Variants in ZBTB20 observed in about 807,000 individuals in gnomAD.
The protein encoded by ZBTB20 is zinc finger and BTB domain containing 20.
A neutral mutation model predicts 56.9 loss-of-function variants in ZBTB20; 9 were observed. The ratio of observed to expected loss-of-function variants is 0.16; its 90% CI spans 0.10 to 0.28. The LOEUF is 0.28. Ranked by LOEUF, ZBTB20 falls within the 10% of genes least tolerant of loss-of-function variation. ZBTB20 has a pLI of 1.00. For synonymous variants in ZBTB20, 417 were observed against 420.7 expected, an observed-to-expected ratio of 0.99 and a Z score of 0.11; for missense variants, 655 against 1,003.0, an observed-to-expected ratio of 0.65 and a Z score of 4.69.
intron 7 of ZBTB20, among the ~76,000 whole-genome samples, chr3:114,429,604 T>G (rs933809519): frequency 6.6e-6 from 1 of 152,120 alleles, no homozygotes; most frequent in Non-Finnish European, 1.5e-5. Flanking sequence ...CAGAGAACGT[T>G]GCTAAGTCAT....
chr3:115,129,356 T>C (rs986089052), intron 1 of ZBTB20, among the ~76,000 whole-genome samples: 2 of 152,238 alleles, frequency 1.3e-5, no homozygotes, highest in Non-Finnish European at 2.9e-5. Context: ...GTATCTTTAA[T>C]AGTACCATAC....
chr3:114,500,542 T>C (rs1278657261), intron 6 of ZBTB20, among the ~76,000 whole-genome samples, 151 bp from the exon 7 acceptor site: 2 of 152,186 alleles, frequency 1.3e-5, no homozygotes, highest in Admixed American at 6.5e-5. Flanking sequence ...ATTTTGTCAC[T>C]TCTAGCCTCA....
intron 11 of ZBTB20, among the ~76,000 whole-genome samples, chr3:114,344,784 TCACCAA>T (rs2080057116): frequency 6.6e-6 from 1 of 152,200 alleles, no homozygotes; most frequent in Non-Finnish European, 1.5e-5. Context: ...TATGGCCCAA[TCACCAA>T]CATTGTTATG....
At chr3:115,089,401 C>T (rs1028693632) in intron 1 of ZBTB20, among the ~76,000 whole-genome samples, 3 of 151,802 alleles carry the variant, frequency 2.0e-5, no homozygotes, top group Non-Finnish European at 2.9e-5. Context: ...CTATAATTAT[C>T]ACTACAATTT....
intron 6 of ZBTB20, among the ~76,000 whole-genome samples, chr3:114,682,195 C>T (rs756621887): frequency 6.6e-6 from 1 of 151,974 alleles, no homozygotes; most frequent in Non-Finnish European, 1.5e-5. Context: ...AAAGTAGAAA[C>T]AGTGTTCACA....
chr3:115,040,199 T>C (rs1224028364), intron 2 of ZBTB20, among the ~76,000 whole-genome samples: 2 of 152,130 alleles, frequency 1.3e-5, no homozygotes, highest in Non-Finnish European at 2.9e-5. Flanking sequence ...TGAATCACTG[T>C]CATTCATTCA....
chr3:115,099,365 A>T (rs572183516), intron 1 of ZBTB20, among the ~76,000 whole-genome samples: 1 of 152,328 alleles, frequency 6.6e-6, no homozygotes, highest in South Asian at 2.1e-4. Flanking sequence ...TAACATACTA[A>T]AAGGAAACTG....
At position 114,329,345 on chromosome 3, in the gene ZBTB20, A is replaced by C. The variant is rs1244657412; in HGVS notation, c.*9660T>G. 1 of 152,196 alleles carries C rather than the reference A, an allele frequency of 6.6e-6. No individual in the cohort carries two copies. Among genetic ancestry groups the C allele is most frequent in the Non-Finnish European group, 1.5e-5 (1 of 68,026 alleles). The allele number at this position is 152,196 out of a possible 1,614,324, so 9.4% of individuals were successfully genotyped here. On this transcript the variant is annotated 3_prime_UTR_variant, in exon 12 of 12. Transcript: ENST00000675478. ...TTTGTCCTGAATGTAGAAGTGAAGA[A>C]GGACACTAGTTTCAGGCACCTGGGA...
chr3:114,772,069 T>C (rs2069248863), intron 5 of ZBTB20, among the ~76,000 whole-genome samples: 2 of 152,162 alleles, frequency 1.3e-5, no homozygotes, highest in East Asian at 1.9e-4. Flanking sequence ...GTGAATCACC[T>C]GTATTAAAAT....
intron 5 of ZBTB20, among the ~76,000 whole-genome samples, chr3:114,787,198 G>A (rs138124662): frequency 6.3e-4 from 96 of 151,248 alleles, no homozygotes; most frequent in Middle Eastern, 3.4e-3. Flanking sequence ...GGCTGGTTTC[G>A]AATTCCTGGG....
intron 3 of ZBTB20, among the ~76,000 whole-genome samples, chr3:114,917,276 C>T (rs1242931233): frequency 1.3e-5 from 2 of 152,104 alleles, no homozygotes; most frequent in African/African-American, 4.8e-5. Context: ...AATTCCTTCT[C>T]TATGCTATCT....
intron 3 of ZBTB20, among the ~76,000 whole-genome samples, chr3:114,903,039 T>C (rs2107676504): frequency 6.6e-6 from 1 of 152,222 alleles, no homozygotes; most frequent in Non-Finnish European, 1.5e-5. Context: ...CTGTGTGAAG[T>C]GGTGACAAAC....
Position 115,142,659 on chromosome 3 carries a change from C to CAAA in ZBTB20, c.-703+4557_-703+4559dup, listed in dbSNP as rs535455119. ...GCCTGGCGACAGAGCAAGACTCCAT[C>CAAA]AAAAAAAAAAAAAAAAAATTCAACT... On this transcript the variant is annotated intron_variant, in intron 1 of 11. Coordinates refer to ENST00000675478, the MANE Select transcript of ZBTB20 (RefSeq NM_001348800.3). 9.9e-3 allele frequency among the ~76,000 whole-genome samples: 1,069 copies of CAAA among 107,810 alleles called. 12 individuals carry two copies. The highest frequency in any genetic ancestry group is 0.031 in the African/African-American group (932 of 30,126). The allele number at this position is 107,810 out of a possible 152,430, so 70.7% of individuals were successfully genotyped here. A position where few individuals can be genotyped will look rare whatever the true frequency, so the allele number is the denominator to read the frequency against.
At chr3:114,927,441 T>C (rs1336995854) in intron 3 of ZBTB20, among the ~76,000 whole-genome samples, 1 of 152,166 alleles carries the variant, frequency 6.6e-6, no homozygotes, top group Non-Finnish European at 1.5e-5. Flanking sequence ...GTTGACAAAA[T>C]AAACTTCCTA....
At chr3:114,646,757 C>T (rs6779743) in intron 6 of ZBTB20, among the ~76,000 whole-genome samples, 4,825 of 152,162 alleles carry the variant, frequency 0.032, 252 homozygotes, top group African/African-American at 0.11. Flanking sequence ...TATGGAAAGG[C>T]GGTTGCTAAG....
At chr3:115,016,148 C>T (rs2079945978) in intron 2 of ZBTB20, among the ~76,000 whole-genome samples, 1 of 151,926 alleles carries the variant, frequency 6.6e-6, no homozygotes, top group Admixed American at 6.6e-5. Context: ...GCTCTGCCCA[C>T]TTTTTAATGG....
intron 5 of ZBTB20, among the ~76,000 whole-genome samples, chr3:114,708,255 G>A (rs1326294861): frequency 1.3e-5 from 2 of 152,154 alleles, no homozygotes; most frequent in Non-Finnish European, 2.9e-5. Flanking sequence ...AATTAAGTCT[G>A]CTATAACTGG....
intron 1 of ZBTB20, among the ~76,000 whole-genome samples, chr3:115,126,201 A>G (rs575200235): frequency 6.6e-6 from 1 of 152,204 alleles, no homozygotes; most frequent in Non-Finnish European, 1.5e-5. Flanking sequence ...AAGTCTGACA[A>G]TACCATATGT....
chr3:114,958,994 T>C (rs2077348516), intron 3 of ZBTB20, among the ~76,000 whole-genome samples: 1 of 152,166 alleles, frequency 6.6e-6, no homozygotes, highest in Non-Finnish European at 1.5e-5. Context: ...TCCTGGATAG[T>C]GTGGGACCAA....
Sources: allele counts gnomAD v4.1 joint callset (sites outside exome capture counted in the v4.1 genomes callset), GRCh38; gene constraint gnomAD v4.1.1; transcripts MANE v1.5; gene names NCBI Gene and HGNC (gene_info 2026-07-23, HGNC 2026-07-21).